Variants in MYO3A observed in about 807,000 individuals in gnomAD.
MYO3A encodes myosin-IIIa.
MYO3A carries 180 observed loss-of-function variants against 192.7 expected under a neutral mutation model. That is an observed-to-expected ratio of 0.93 (90% CI 0.83 to 1.06). The LOEUF is 1.06. Ranked by LOEUF, MYO3A falls within the 50% of genes least tolerant of loss-of-function variation. MYO3A has a pLI of 0.00. For missense variants in MYO3A, 1,896 were observed against 1,905.0 expected, an observed-to-expected ratio of 1.00 and a Z score of 0.09; for synonymous variants, 628 against 645.3, an observed-to-expected ratio of 0.97 and a Z score of 0.41.
chr10:26,055,416 A>G (rs1000400158), intron 10 of MYO3A, among the ~76,000 whole-genome samples: 1 of 146,082 alleles, frequency 6.8e-6, no homozygotes, highest in Non-Finnish European at 1.5e-5. Context: ...CACAGGTAGG[A>G]AAATACAGAA....
intron 6 of MYO3A, among the ~76,000 whole-genome samples, chr10:25,999,446 T>C (rs1032526805): frequency 6.6e-6 from 1 of 152,186 alleles, no homozygotes; most frequent in African/African-American, 2.4e-5. Flanking sequence ...AGTAGGTTGT[T>C]GTATGAATTA....
intron 10 of MYO3A, among the ~76,000 whole-genome samples, chr10:26,056,550 AG>A (rs1219781631): frequency 1.3e-5 from 2 of 152,222 alleles, no homozygotes; most frequent in East Asian, 3.9e-4. Context: ...GGATAATGGC[AG>A]GGCATATGTC....
intron 18 of MYO3A, among the ~76,000 whole-genome samples, chr10:26,122,555 C>G (rs942033456): frequency 1.3e-5 from 2 of 152,176 alleles, no homozygotes; most frequent in Admixed American, 1.3e-4. Context: ...ACAACATCAC[C>G]TCTCACCTGA....
Position 25,952,169 on chromosome 10 carries a change from C to G in MYO3A, c.59C>G (p.Thr20Arg). The G allele has an allele frequency of 6.2e-7, 1 of 1,612,220 alleles. No homozygotes were observed. Among genetic ancestry groups the G allele is most frequent in the South Asian group, 1.1e-5 (1 of 91,046 alleles). The change falls in exon 3 of 35, where the codon ACA (threonine) becomes AGA (arginine). Residue 20 changes from threonine (T) to arginine (R), a missense_variant. By Grantham distance (71) the Thr-to-Arg change is moderately conservative. Transcript: ENST00000642920. ...GATAACTTTCCTGATCCTTCTGATA[C>G]ATGGGAAATCACTGAGACAATTGGC... ...IFDNFPDPSD[T>R]WEITETIGKG...
intron 26 of MYO3A, 33 bp downstream of exon 26, chr10:26,157,548 C>T (rs1046305722): frequency 1.3e-6 from 2 of 1,586,024 alleles, no homozygotes; most frequent in Non-Finnish European, 1.7e-6. Context: ...TTCTATTGTG[C>T]AGTTTATATA....
At chr10:26,145,163 G>T (rs920187540) in intron 21 of MYO3A, among the ~76,000 whole-genome samples, 3 of 122,630 alleles carry the variant, frequency 2.4e-5, no homozygotes, top group Admixed American at 1.9e-4. Context: ...TGGGCAACAA[G>T]AACGAAACTC....
Position 26,021,666 on chromosome 10 carries a change from G to A in MYO3A, c.731+18G>A. 1 of 1,613,878 alleles carries A rather than the reference G, an allele frequency of 6.2e-7. No individual in the cohort carries two copies. Among genetic ancestry groups the A allele is most frequent in the Non-Finnish European group, 8.5e-7 (1 of 1,179,822 alleles). ...ATACCAAGGTCAGATGACTAACATT[G>A]GGTCCAGTATCTGCAGCCCGATTTA... On this transcript the variant is annotated intron_variant, in intron 8 of 34. Coordinates refer to ENST00000642920, the MANE Select transcript of MYO3A (RefSeq NM_017433.5).
chr10:26,095,652 G>A (rs1342910425), intron 15 of MYO3A, among the ~76,000 whole-genome samples: 1 of 152,148 alleles, frequency 6.6e-6, no homozygotes, highest in Non-Finnish European at 1.5e-5. Flanking sequence ...ATTATGTTGT[G>A]GAACATCCTG....
intron 6 of MYO3A, among the ~76,000 whole-genome samples, chr10:26,004,574 A>G (rs1222921829): frequency 6.6e-6 from 1 of 152,140 alleles, no homozygotes; most frequent in Non-Finnish European, 1.5e-5. Context: ...TTTTAAATGT[A>G]ATTCTCAACT....
chr10:25,939,235 A>C (rs1028952479), intron 2 of MYO3A, among the ~76,000 whole-genome samples: 1 of 151,650 alleles, frequency 6.6e-6, no homozygotes, highest in Non-Finnish European at 1.5e-5. Context: ...GCACATCTCT[A>C]CCTTCTTTCT....
chr10:26,086,894 A>G (rs867678306), intron 14 of MYO3A, among the ~76,000 whole-genome samples: 3 of 152,130 alleles, frequency 2.0e-5, no homozygotes, highest in Non-Finnish European at 4.4e-5. Flanking sequence ...ATGATAAATT[A>G]ATTGTGTGTG....
intron 20 of MYO3A, among the ~76,000 whole-genome samples, chr10:26,134,977 A>T (rs1414989895): frequency 6.6e-6 from 1 of 152,220 alleles, no homozygotes; most frequent in Admixed American, 6.5e-5. Flanking sequence ...TTCTGTCCAC[A>T]GTCTTAACCA....
intron 20 of MYO3A, among the ~76,000 whole-genome samples, chr10:26,139,660 G>A (rs1482200047): frequency 6.6e-6 from 1 of 152,160 alleles, no homozygotes; most frequent in Non-Finnish European, 1.5e-5. Context: ...GGGAGGCCAA[G>A]GTTGGGGTGC....
At chr10:26,069,782 G>A (rs150087031) in intron 12 of MYO3A, among the ~76,000 whole-genome samples, 20 of 152,108 alleles carry the variant, frequency 1.3e-4, no homozygotes, top group African/African-American at 3.4e-4. Context: ...AAACCCGATC[G>A]TCTTATTTTT....
chr10:25,947,049 G>GTA (rs1164638639), intron 2 of MYO3A, among the ~76,000 whole-genome samples: 2 of 151,680 alleles, frequency 1.3e-5, no homozygotes, highest in Non-Finnish European at 2.9e-5. Flanking sequence ...CTCTCATAAT[G>GTA]TATATATTGG....
chr10:25,992,175 C>A lies in MYO3A; in HGVS notation c.304-4315C>A, dbSNP rs554130774. On this transcript the variant is annotated intron_variant, in intron 4 of 34. Coordinates refer to ENST00000642920, the MANE Select transcript of MYO3A (RefSeq NM_017433.5). ...GGAATGGTCTTCCATTTGTTTGCGT[C>A]CTCTTTTGTTTCACTGAGCAGTGGT... Among the ~76,000 whole-genome samples, 6 of 152,290 alleles carry A rather than the reference C, an allele frequency of 3.9e-5. 1 individual carries two copies. In the South Asian group the frequency reaches 1.0e-3, roughly 26 times the overall value.
chr10:25,944,040 T>C (rs1836676502), intron 2 of MYO3A, among the ~76,000 whole-genome samples: 1 of 152,026 alleles, frequency 6.6e-6, no homozygotes, highest in African/African-American at 2.4e-5. Context: ...TACAGGCTTT[T>C]TATAAATGGT....
intron 10 of MYO3A, among the ~76,000 whole-genome samples, chr10:26,037,921 C>T (rs1459646520): frequency 6.6e-6 from 1 of 152,126 alleles, no homozygotes; most frequent in East Asian, 1.9e-4. Context: ...CAGGGTCCCT[C>T]CCCCCAACAT....
intron 4 of MYO3A, among the ~76,000 whole-genome samples, chr10:25,960,132 CT>C (rs1481569704): frequency 6.6e-6 from 1 of 151,974 alleles, no homozygotes; most frequent in Non-Finnish European, 1.5e-5. Context: ...CAGTGTTCTC[CT>C]TTTTTCTGTC....
Sources: allele counts gnomAD v4.1 joint callset (sites outside exome capture counted in the v4.1 genomes callset), GRCh38; gene constraint gnomAD v4.1.1; transcripts MANE v1.5; gene names NCBI Gene and HGNC (gene_info 2026-07-23, HGNC 2026-07-21).